MCTP1: variants seen among roughly 807,000 people sequenced by gnomAD.
The protein encoded by MCTP1 is multiple C2 and transmembrane domain containing 1, also known as multiple C2 and transmembrane domain-containing protein 1.
MCTP1 carries 69 observed loss-of-function variants against 120.6 expected under a neutral mutation model. That is an observed-to-expected ratio of 0.57 (90% CI 0.47 to 0.70). The LOEUF is 0.70. Among genes scored for constraint, MCTP1 ranks in the 30% least tolerant of loss-of-function variants. The probability of loss-of-function intolerance (pLI) is 0.00; values close to 1 mark genes in which losing one functional copy is unlikely to be tolerated. For synonymous variants in MCTP1, 529 were observed against 493.1 expected (o/e 1.07, Z -0.96); for missense variants, 1,203 against 1,248.8 (o/e 0.96, Z 0.55).
At chr5:94,710,755 CTT>C in intron 21 of MCTP1, 61 bp downstream of exon 21, 1 of 1,064,372 alleles carries the variant, frequency 9.4e-7, no homozygotes, top group East Asian at 2.5e-5. Flanking sequence ...TAACTCATCT[CTT>C]AAACATAGTT....
At chr5:95,219,598 T>C (rs1369370745) in intron 1 of MCTP1, among the ~76,000 whole-genome samples, 2 of 152,064 alleles carry the variant, frequency 1.3e-5, no homozygotes, top group Non-Finnish European at 2.9e-5. Context: ...ACAATAAAGA[T>C]CTAAAGCAGC....
intron 18 of MCTP1, among the ~76,000 whole-genome samples, chr5:94,788,272 G>A (rs1274842967): frequency 2.0e-5 from 3 of 152,140 alleles, no homozygotes; most frequent in Admixed American, 2.0e-4. Flanking sequence ...GTATATTTTA[G>A]TTTGGTCACT....
chr5:95,016,053 A>C lies in MCTP1; in HGVS notation c.838+1314T>G, dbSNP rs544398002. ...TCTAATTTGTGTCTTCTTTGGAAAC[A>C]GGCAGTTCAATTCAATAAACATGTG... On this transcript the variant is annotated intron_variant, in intron 2 of 22. Transcript: ENST00000515393. Among the ~76,000 whole-genome samples, 111 of 152,288 alleles carry C rather than the reference A, an allele frequency of 7.3e-4. No individual in the cohort carries two copies. In the South Asian group the frequency reaches 0.011, roughly 15 times the overall value.
intron 2 of MCTP1, among the ~76,000 whole-genome samples, chr5:95,010,009 T>A (rs1835599325): frequency 6.6e-6 from 1 of 152,130 alleles, no homozygotes; most frequent in Admixed American, 6.6e-5. Context: ...TGGAAATTAG[T>A]TTTTCCCTTC....
chr5:95,075,407 T>A lies in MCTP1; in HGVS notation c.721-57923A>T, dbSNP rs1244998445. 2.6e-5 allele frequency among the ~76,000 whole-genome samples: 4 copies of A among 152,324 alleles called. No homozygotes were observed. The East Asian group carries it at 7.7e-4, about 29-fold the overall frequency. ...TTAACTTATCAAAGTGATGTTTGGT[T>A]TTTAGTTAACCTTCTCCTTAATTTT... On this transcript the variant is annotated intron_variant, in intron 1 of 22. Transcript: ENST00000515393.
chr5:95,184,472 C>T (rs1254396942), intron 1 of MCTP1, among the ~76,000 whole-genome samples: 2 of 152,182 alleles, frequency 1.3e-5, no homozygotes, highest in Non-Finnish European at 2.9e-5. Flanking sequence ...ACCTAACCGA[C>T]TCCATCTTGC....
At chr5:95,131,646 TTTAC>T (rs920378736) in intron 1 of MCTP1, among the ~76,000 whole-genome samples, 6 of 152,142 alleles carry the variant, frequency 3.9e-5, no homozygotes, top group Non-Finnish European at 8.8e-5. Context: ...TTATGATTTC[TTTAC>T]TTATTTCATT....
At chr5:95,210,007 T>C (rs1240679255) in intron 1 of MCTP1, among the ~76,000 whole-genome samples, 2 of 152,206 alleles carry the variant, frequency 1.3e-5, no homozygotes, top group Non-Finnish European at 2.9e-5. Flanking sequence ...AATCCTGAGT[T>C]CTAGTTTGAT....
chr5:95,086,012 T>C (rs924503065), intron 1 of MCTP1, among the ~76,000 whole-genome samples: 3 of 152,154 alleles, frequency 2.0e-5, no homozygotes, highest in Admixed American at 6.6e-5. Context: ...TGTATTTTTT[T>C]ACTATTGTTT....
chr5:95,249,670 G>T (rs1757186297), intron 1 of MCTP1, among the ~76,000 whole-genome samples: 1 of 152,044 alleles, frequency 6.6e-6, no homozygotes, highest in Non-Finnish European at 1.5e-5. Context: ...TATACCCAAA[G>T]GATTATAACT....
intron 19 of MCTP1, among the ~76,000 whole-genome samples, chr5:94,766,967 TA>T (rs948616116): frequency 6.0e-5 from 9 of 151,098 alleles, no homozygotes; most frequent in African/African-American, 1.9e-4. Flanking sequence ...AAGGACACAA[TA>T]AAAAAAAATT....
intron 1 of MCTP1, among the ~76,000 whole-genome samples, chr5:95,160,826 C>T (rs1745644542): frequency 6.6e-6 from 1 of 151,980 alleles, no homozygotes; most frequent in Non-Finnish European, 1.5e-5. Flanking sequence ...AGAAGACATA[C>T]AATAGCCAAC....
chr5:94,726,863 T>C (rs562250856), intron 19 of MCTP1, among the ~76,000 whole-genome samples: 19 of 152,270 alleles, frequency 1.2e-4, no homozygotes, highest in Admixed American at 5.9e-4. Context: ...TTTCGGTACA[T>C]TGTTTTAGAT....
In MCTP1 at chr5:94,940,149, G is replaced by C. The variant is rs921681709; in HGVS notation, c.1108C>G (p.His370Asp). Residue 370 changes from histidine (H) to aspartate (D), a missense_variant, in exon 5 of 23, where the codon CAT (histidine) becomes GAT (aspartate). His to Asp is a moderately conservative substitution (Grantham distance 81, BLOSUM62 -1). Transcript: ENST00000515393. ...LTLKDPHYPD[H>D]DLGIILLSVI... ...GAGAGCAAAATGATTCCAAGATCAT[G>C]GTCAGGATAATGAGGATCTTTCAGA... is the stretch of plus-strand genomic sequence containing the variant. The C allele has an allele frequency of 6.8e-6, 11 of 1,609,658 alleles. No individual in the cohort carries two copies. The Admixed American group carries it at 1.8e-4, about 27-fold the overall frequency.
chr5:94,826,227 C>G, intron 17 of MCTP1: 1 of 424,156 alleles, frequency 2.4e-6, no homozygotes, highest in Non-Finnish European at 4.5e-6. Flanking sequence ...TTGCTATAAC[C>G]ATGCTTGTAG....
chr5:94,851,852 CAT>C (rs1793800394), intron 17 of MCTP1, among the ~76,000 whole-genome samples: 1 of 151,646 alleles, frequency 6.6e-6, no homozygotes, highest in Non-Finnish European at 1.5e-5. Context: ...TAATAGAATC[CAT>C]ATGTTTAGAA....
rs1211529200 is a variant in MCTP1 at position 94,912,466 on chromosome 5, A to AAAAAAAAAAAAG, written c.1521+339_1521+340insCTTTTTTTTTTT. Reference sequence around the variant, plus strand: ...AAAAAAAAAAAAAAAAAAAAAAAAAAGCCGCACTCTGAGTACTTTATGTGC... The same window carrying AAAAAAAAAAAAG: ...AAAAAAAAAAAAAAAAAAAAAAAAAAAAAAAAAAAAAGGCCGCACTCTGAGTACTTTATGTGC... On this transcript the variant is annotated intron_variant, in intron 9 of 22. Transcript: ENST00000515393. 1.9e-3 allele frequency among the ~76,000 whole-genome samples: 177 copies of AAAAAAAAAAAAG among 92,098 alleles called. 47 individuals are homozygous for AAAAAAAAAAAAG. The highest frequency in any genetic ancestry group is 2.7e-3 in the Non-Finnish European group (115 of 42,804). The allele number at this position is 92,098 out of a possible 152,430, so 60.4% of individuals were successfully genotyped here. A position where few individuals can be genotyped will look rare whatever the true frequency, so the allele number is the denominator to read the frequency against.
At chr5:94,807,832 A>G (rs570285776) in intron 17 of MCTP1, among the ~76,000 whole-genome samples, 3 of 152,316 alleles carry the variant, frequency 2.0e-5, no homozygotes, top group African/African-American at 7.2e-5. Flanking sequence ...TCTTTGAGAA[A>G]AGTTGTCTGT....
intron 17 of MCTP1, among the ~76,000 whole-genome samples, chr5:94,854,528 G>A (rs1794366500): frequency 6.6e-6 from 1 of 151,898 alleles, no homozygotes; most frequent in South Asian, 2.1e-4. Flanking sequence ...TGATTACCTA[G>A]TCTGGTTCCA....
Sources: gnomAD v4.1 joint callset for allele counts (sites outside exome capture counted in the v4.1 genomes callset) on GRCh38, gnomAD v4.1.1 for gene constraint, MANE v1.5 for transcripts, NCBI Gene and HGNC (gene_info 2026-07-23, HGNC 2026-07-21) for gene names.